UBASH3B: variants seen among roughly 807,000 people sequenced by gnomAD.
UBASH3B encodes ubiquitin associated and SH3 domain containing B.
A neutral mutation model predicts 83.4 loss-of-function variants in UBASH3B; 37 were observed. The ratio of observed to expected loss-of-function variants is 0.44; its 90% CI spans 0.34 to 0.58. The LOEUF is 0.58. UBASH3B is among the 20% of genes least tolerant of loss of function. The pLI is 0.01. For synonymous variants in UBASH3B, 304 were observed against 318.3 expected (o/e 0.96, Z 0.48); for missense variants, 657 against 827.2 (o/e 0.79, Z 2.52).
At chr11:122,739,528 T>G (rs1354684059) in intron 1 of UBASH3B, among the ~76,000 whole-genome samples, 1 of 152,196 alleles carries the variant, frequency 6.6e-6, no homozygotes, top group Non-Finnish European at 1.5e-5. Flanking sequence ...CGCTCTATCC[T>G]CCTCCTGACA....
chr11:122,761,905 C>T (rs1185357086), intron 1 of UBASH3B, among the ~76,000 whole-genome samples: 1 of 150,388 alleles, frequency 6.6e-6, no homozygotes, highest in Non-Finnish European at 1.5e-5. Flanking sequence ...GATTCTCCTG[C>T]CTCAGCCTCC....
intron 3 of UBASH3B, among the ~76,000 whole-genome samples, chr11:122,777,893 C>A (rs542891259): frequency 2.0e-5 from 3 of 152,260 alleles, no homozygotes; most frequent in Admixed American, 6.5e-5. Flanking sequence ...CCATGCCCGG[C>A]TAATTTTTGT....
chr11:122,663,357 A>G (rs1044124712), intron 1 of UBASH3B, among the ~76,000 whole-genome samples: 20 of 152,226 alleles, frequency 1.3e-4, no homozygotes, highest in African/African-American at 4.8e-4. Context: ...CATAATCACT[A>G]TTAAGTCTCA....
rs1861407926 is a variant in UBASH3B, at chr11:122,809,851, G to T, written c.1915G>T (p.Gly639Cys). ...ILPLTHGPTG[G>C]FNWRETLLQE ...TCCTCTTACCCATGGACCAACTGGG[G>T]GCTTCAACTGGAGAGAGACCTTGCT... The change falls in exon 14 of 14, where the codon GGC becomes TGC. Residue 639 changes from glycine to cysteine, a missense_variant. Gly to Cys is a radical substitution (Grantham distance 159). Around this residue, in one of 3 missense-constraint regions of UBASH3B, gnomAD observed 573 missense variants for 739.0 expected, o/e 0.78. Coordinates refer to ENST00000284273, the MANE Select transcript of UBASH3B (RefSeq NM_032873.5). The T allele has an allele frequency of 6.2e-7, 1 of 1,614,138 alleles. No individual in the cohort carries two copies. The highest frequency in any genetic ancestry group is 8.5e-7 in the Non-Finnish European group (1 of 1,180,020).
intron 2 of UBASH3B, 32 bp from the exon 3 acceptor site, chr11:122,776,992 C>A: frequency 3.2e-6 from 5 of 1,542,788 alleles, no homozygotes; most frequent in Non-Finnish European, 4.4e-6. Flanking sequence ...TATTCTCAAG[C>A]GACACCTTGT....
At chr11:122,748,755 C>T (rs1861158581) in intron 1 of UBASH3B, among the ~76,000 whole-genome samples, 1 of 152,208 alleles carries the variant, frequency 6.6e-6, no homozygotes, top group Non-Finnish European at 1.5e-5. Context: ...CCACCCAACT[C>T]TAAGCGCCTA....
At chr11:122,792,050 T>C (rs1861063689) in intron 6 of UBASH3B, among the ~76,000 whole-genome samples, 1 of 152,188 alleles carries the variant, frequency 6.6e-6, no homozygotes, top group Non-Finnish European at 1.5e-5. Flanking sequence ...ATCTGACTGT[T>C]TTCTTACTGG....
chr11:122,748,226 C>G (rs547400840), intron 1 of UBASH3B, among the ~76,000 whole-genome samples: 1 of 152,208 alleles, frequency 6.6e-6, no homozygotes, highest in South Asian at 2.1e-4. Flanking sequence ...AACTTCAGAC[C>G]GTCATTCTGC....
intron 1 of UBASH3B, among the ~76,000 whole-genome samples, chr11:122,748,333 T>G (rs1565550848): frequency 6.6e-6 from 1 of 152,168 alleles, no homozygotes; most frequent in East Asian, 1.9e-4. Flanking sequence ...GCAGAGAGGA[T>G]AGTGTAATGA....
At position 122,787,561 on chromosome 11, in the gene UBASH3B, A is replaced by G. The variant is rs553566612; in HGVS notation, c.772-1539A>G. Among the ~76,000 whole-genome samples the G allele has an allele frequency of 1.6e-4, 25 of 152,160 alleles. 1 individual carries two copies. In the South Asian group the frequency reaches 5.0e-3, roughly 30 times the overall value. On this transcript the variant is annotated intron_variant, in intron 5 of 13. Coordinates refer to ENST00000284273, the MANE Select transcript of UBASH3B (RefSeq NM_032873.5). ...CAGAAGGAAATTCTCTCTTTATAAC[A>G]TGTTCTGGTGTATCACCTTGACATC...
intron 1 of UBASH3B, among the ~76,000 whole-genome samples, chr11:122,770,122 G>C (rs1860616871): frequency 2.0e-5 from 3 of 152,198 alleles, no homozygotes; most frequent in Non-Finnish European, 4.4e-5. Context: ...CTTGGTCACA[G>C]AGAACCAATG....
chr11:122,690,221 T>G (rs1863874324), intron 1 of UBASH3B, among the ~76,000 whole-genome samples: 1 of 132,686 alleles, frequency 7.5e-6, no homozygotes, highest in Non-Finnish European at 1.6e-5. Flanking sequence ...CAATTATATA[T>G]ATATATATCC....
At chr11:122,728,801 C>T (rs1186617340) in intron 1 of UBASH3B, among the ~76,000 whole-genome samples, 1 of 152,238 alleles carries the variant, frequency 6.6e-6, no homozygotes, top group East Asian at 1.9e-4. Flanking sequence ...GTACTTCTAA[C>T]ATCTAGCACA....
At chr11:122,783,259 C>T in intron 5 of UBASH3B, 37 bp downstream of exon 5, 2 of 1,602,078 alleles carry the variant, frequency 1.2e-6, no homozygotes, top group Non-Finnish European at 1.7e-6. Context: ...CTACCAGGTG[C>T]AGGGATGCAA....
intron 6 of UBASH3B, among the ~76,000 whole-genome samples, chr11:122,794,496 C>T (rs1861118635): frequency 6.6e-6 from 1 of 152,150 alleles, no homozygotes; most frequent in Admixed American, 6.5e-5. Context: ...CACACCCGGC[C>T]TACCTCTAAT....
intron 1 of UBASH3B, among the ~76,000 whole-genome samples, chr11:122,772,114 C>T (rs1266175480): frequency 1.3e-5 from 2 of 152,158 alleles, no homozygotes; most frequent in East Asian, 3.9e-4. Context: ...TTAAAATATC[C>T]AGTGGCACCT....
At chr11:122,778,749 C>T (rs1463160818) in intron 3 of UBASH3B, among the ~76,000 whole-genome samples, 1 of 151,942 alleles carries the variant, frequency 6.6e-6, no homozygotes, top group Non-Finnish European at 1.5e-5. Flanking sequence ...GGATTATAGG[C>T]GTCCGCCACC....
intron 1 of UBASH3B, among the ~76,000 whole-genome samples, chr11:122,723,354 T>C (rs1329560586): frequency 6.6e-6 from 1 of 152,190 alleles, no homozygotes; most frequent in Non-Finnish European, 1.5e-5. Flanking sequence ...CTTAAGTTAG[T>C]GAATAGTAGA....
chr11:122,764,046 G>C (rs12288259), intron 1 of UBASH3B, among the ~76,000 whole-genome samples: 1 of 151,996 alleles, frequency 6.6e-6, no homozygotes, highest in African/African-American at 2.4e-5. Flanking sequence ...CAACTCTATC[G>C]GGTACAGAAA....
Sources: gnomAD v4.1 joint callset for allele counts (sites outside exome capture counted in the v4.1 genomes callset) on GRCh38, gnomAD v4.1.1 for gene constraint, gnomAD v4.1.1 regional missense constraint, MANE v1.5 for transcripts, NCBI Gene and HGNC (gene_info 2026-07-23, HGNC 2026-07-21) for gene names.